TDP1: variants seen among roughly 807,000 people sequenced by gnomAD.
TDP1 encodes the protein tyr-DNA phosphodiesterase 1.
Under a neutral mutation model 81.5 loss-of-function variants are expected in TDP1, and 64 were observed. That is an observed-to-expected ratio of 0.79 (90% CI 0.64 to 0.97). The LOEUF (loss-of-function observed/expected upper bound fraction) is 0.97. TDP1 is among the 50% of genes least tolerant of loss of function. TDP1 has a pLI of 0.00. For synonymous variants in TDP1, 256 were observed against 264.3 expected (o/e 0.97, Z 0.30); for missense variants, 723 against 743.8 (o/e 0.97, Z 0.33).
intron 7 of TDP1, among the ~76,000 whole-genome samples, chr14:89,978,294 G>T (rs1279253255): frequency 1.3e-5 from 2 of 152,196 alleles, no homozygotes; most frequent in African/African-American, 4.8e-5. Context: ...TTGTGACCTT[G>T]GATAATCCCT....
chr14:90,032,112 C>T (rs141173917), intron 15 of TDP1, among the ~76,000 whole-genome samples: 48 of 152,244 alleles, frequency 3.2e-4, no homozygotes, highest in African/African-American at 8.9e-4. Flanking sequence ...AATAAAGTGT[C>T]GAATGAACGA....
At position 89,986,494 on chromosome 14, in the gene TDP1, T is replaced by C. The variant is rs966088015; in HGVS notation, c.1131+1284T>C. Among the ~76,000 whole-genome samples the C allele has an allele frequency of 6.6e-5, 10 of 152,394 alleles. No homozygotes were observed. The East Asian group carries it at 9.6e-4, about 15-fold the overall frequency. ...TGTCTAATGGTTTAGATAGGCTAGATAATAGCACGTATTATGTGTGATCAC... is the reference window on the plus strand; with the variant it reads ...TGTCTAATGGTTTAGATAGGCTAGACAATAGCACGTATTATGTGTGATCAC... On this transcript the variant is annotated intron_variant, in intron 10 of 16. Coordinates refer to ENST00000335725, the MANE Select transcript of TDP1 (RefSeq NM_018319.4).
chr14:89,989,781 A>T lies in TDP1; in HGVS notation c.1366+16A>T. 1 of 1,593,744 alleles carries T rather than the reference A, an allele frequency of 6.3e-7. No individual in the cohort carries two copies. Among genetic ancestry groups the T allele is most frequent in the Non-Finnish European group, 8.6e-7 (1 of 1,161,748 alleles). On this transcript the variant is annotated intron_variant, in intron 12 of 16. Transcript: ENST00000335725. ...GGATATCCTGGTAATTCTTGGGGAG[A>T]CTGTCTTGATTGTGTTTTATGTATA...
intron 15 of TDP1, among the ~76,000 whole-genome samples, chr14:90,025,325 G>T (rs1886526957): frequency 6.6e-6 from 1 of 152,174 alleles, no homozygotes; most frequent in African/African-American, 2.4e-5. Flanking sequence ...TCATGATAAA[G>T]ATGCCATTTG....
chr14:90,039,097 T>C (rs1888110819), intron 16 of TDP1, among the ~76,000 whole-genome samples: 1 of 152,188 alleles, frequency 6.6e-6, no homozygotes, highest in South Asian at 2.1e-4. Context: ...TTGAAATAAA[T>C]AAGTACTGAA....
rs1232197208 is a variant in TDP1 at position 90,044,601 on chromosome 14, A to G, written c.*1458A>G. On this transcript the variant is annotated 3_prime_UTR_variant, in exon 17 of 17. Coordinates refer to ENST00000335725, the MANE Select transcript of TDP1 (RefSeq NM_018319.4). ...GGCTGCAGTGGGGGTGTGGCGATAG[A>G]GCAGGAGGCAGGGAGACAGGGCTGC... The G allele has an allele frequency of 2.6e-5, 4 of 152,374 alleles. No individual in the cohort carries two copies. Among genetic ancestry groups the G allele is most frequent in the Admixed American group, 6.5e-5 (1 of 15,280 alleles). 9.4% of individuals were successfully genotyped at this position (152,374 alleles called of 1,614,324 possible).
At chr14:90,017,197 A>T (rs999801303) in intron 14 of TDP1, among the ~76,000 whole-genome samples, 1 of 151,826 alleles carries the variant, frequency 6.6e-6, no homozygotes, top group Non-Finnish European at 1.5e-5. Flanking sequence ...TTTGCTGTAC[A>T]TGACGGGCGT....
chr14:89,967,286 T>C (rs1893048856), intron 4 of TDP1, 81 bp from the exon 5 acceptor site: 2 of 1,451,248 alleles, frequency 1.4e-6, no homozygotes, highest in African/African-American at 1.4e-5. Context: ...TTTCCTTAAA[T>C]GTAATAACTA....
At chr14:89,992,970 T>G in intron 13 of TDP1, 3 of 980,224 alleles carry the variant, frequency 3.1e-6, no homozygotes, top group Non-Finnish European at 3.6e-6. Context: ...CTTTTTTGTA[T>G]TTTGTTTCAT....
intron 2 of TDP1, among the ~76,000 whole-genome samples, chr14:89,961,812 G>C (rs932252713): frequency 6.6e-6 from 1 of 152,104 alleles, no homozygotes; most frequent in South Asian, 2.1e-4. Flanking sequence ...TTTGTGAAGG[G>C]AGTGTCACCA....
chr14:90,033,046 T>G (rs985766845), intron 15 of TDP1, 60 bp from the exon 16 acceptor site: 28 of 687,626 alleles, frequency 4.1e-5, no homozygotes, highest in Non-Finnish European at 5.6e-5. Flanking sequence ...GGCCTTCTGG[T>G]TTTTTTTTTT....
intron 16 of TDP1, among the ~76,000 whole-genome samples, chr14:90,040,253 CTT>C (rs1451687855): frequency 1.3e-5 from 2 of 152,222 alleles, no homozygotes; most frequent in East Asian, 1.9e-4. Flanking sequence ...ACCCTCCCCT[CTT>C]TTAAATTCTT....
chr14:89,998,714 C>T (rs1896938674), intron 14 of TDP1, among the ~76,000 whole-genome samples: 1 of 151,590 alleles, frequency 6.6e-6, no homozygotes, highest in Admixed American at 6.6e-5. Context: ...AGGGGAAGAG[C>T]CATGTGGATG....
intron 14 of TDP1, among the ~76,000 whole-genome samples, chr14:90,012,333 T>A (rs1259913910): frequency 5.9e-5 from 9 of 151,982 alleles, no homozygotes; most frequent in Admixed American, 5.9e-4. Flanking sequence ...TGGTGCAAGC[T>A]GTCAGTGAAT....
chr14:89,975,674 A>T, intron 6 of TDP1, 107 bp from the exon 7 acceptor site: 1 of 1,145,616 alleles, frequency 8.7e-7, no homozygotes, highest in Non-Finnish European at 1.3e-6. Flanking sequence ...GATCAGTAAA[A>T]ATAGTTTTAA....
At chr14:90,029,808 T>G (rs1242306563) in intron 15 of TDP1, among the ~76,000 whole-genome samples, 2 of 152,214 alleles carry the variant, frequency 1.3e-5, no homozygotes, top group Non-Finnish European at 2.9e-5. Context: ...CTTGCCACTT[T>G]TAATAGCTGT....
chr14:89,970,683 G>T (rs1326219918), intron 5 of TDP1: 1 of 268,562 alleles, frequency 3.7e-6, no homozygotes, highest in Non-Finnish European at 5.7e-6. Context: ...CATTATAAAG[G>T]TATCTGGTAA....
At position 89,971,275 on chromosome 14, in the gene TDP1, A is replaced by G. The variant is rs1252375256; in HGVS notation, c.756+4A>G. The stretch of plus-strand genomic sequence containing the variant: ...CGAGAACATCTCTCTCTGCCAGGTA[A>G]GCCACTTACTGCCGTTGGAGAGCAC... On this transcript the variant is annotated splice_donor_region_variant and intron_variant, in intron 6 of 16. Coordinates refer to ENST00000335725, the MANE Select transcript of TDP1 (RefSeq NM_018319.4). 2 of 1,612,482 alleles carry G rather than the reference A, an allele frequency of 1.2e-6. No individual in the cohort carries two copies. The highest frequency in any genetic ancestry group is 3.3e-5 in the Admixed American group (2 of 60,018).
intron 16 of TDP1, among the ~76,000 whole-genome samples, chr14:90,041,799 T>G (rs552671346): frequency 3.3e-5 from 5 of 152,366 alleles, no homozygotes; most frequent in South Asian, 4.1e-4. Context: ...TTGAAATGGT[T>G]TGACTCTAGC....
Sources: gnomAD v4.1 joint callset for allele counts (sites outside exome capture counted in the v4.1 genomes callset) on GRCh38, gnomAD v4.1.1 for gene constraint, MANE v1.5 for transcripts, NCBI Gene and HGNC (gene_info 2026-07-23, HGNC 2026-07-21) for gene names.